IFNG-AS1: variants seen among roughly 807,000 people sequenced by gnomAD.
IFNG-AS1 encodes IFNG antisense RNA 1 (non-protein coding).
intron 2 of IFNG-AS1, among the ~76,000 whole-genome samples, chr12:67,998,954 T>A (rs1219531760): frequency 6.6e-6 from 1 of 152,124 alleles, no homozygotes; most frequent in African/African-American, 2.4e-5. Flanking sequence ...ATTGTGCAAA[T>A]AAGTAAATAA....
chr12:68,007,614 C>T (rs1449541770), intron 3 of IFNG-AS1, among the ~76,000 whole-genome samples: 2 of 152,216 alleles, frequency 1.3e-5, no homozygotes, highest in Non-Finnish European at 2.9e-5. Context: ...AAATATCAGT[C>T]ACAGTTTCAA....
intron 1 of IFNG-AS1, among the ~76,000 whole-genome samples, chr12:67,995,208 G>A (rs1458213748): frequency 6.6e-6 from 1 of 152,030 alleles, no homozygotes; most frequent in African/African-American, 2.4e-5. Flanking sequence ...AGATCATGAG[G>A]TCAAGAGATC....
chr12:67,992,561 C>T (rs1252708266), intron 1 of IFNG-AS1, among the ~76,000 whole-genome samples: 2 of 152,186 alleles, frequency 1.3e-5, no homozygotes, highest in African/African-American at 4.8e-5. Flanking sequence ...CCACGTGCAA[C>T]ATTTTAATCC....
intron 1 of IFNG-AS1, among the ~76,000 whole-genome samples, chr12:67,994,507 T>C (rs1879589487): frequency 6.6e-6 from 1 of 152,202 alleles, no homozygotes; most frequent in South Asian, 2.1e-4. Flanking sequence ...TTTTTAAATA[T>C]GCTGCTTTAT....
chr12:68,019,630 G>A (rs1880239516), intron 3 of IFNG-AS1, among the ~76,000 whole-genome samples: 1 of 152,158 alleles, frequency 6.6e-6, no homozygotes, highest in Non-Finnish European at 1.5e-5. Context: ...ACTAGAGTAG[G>A]TGCCTCTAAT....
At chr12:67,990,418 A>G (rs1001858968) in intron 1 of IFNG-AS1, among the ~76,000 whole-genome samples, 1 of 152,186 alleles carries the variant, frequency 6.6e-6, no homozygotes, top group Non-Finnish European at 1.5e-5. Context: ...GGTCCATATA[A>G]ATCCTCTCTG....
chr12:67,992,353 G>A (rs1879537011), intron 1 of IFNG-AS1, among the ~76,000 whole-genome samples: 1 of 152,114 alleles, frequency 6.6e-6, no homozygotes, highest in Non-Finnish European at 1.5e-5. Context: ...TTTCTTGTTA[G>A]TGGAATCTTG....
intron 3 of IFNG-AS1, among the ~76,000 whole-genome samples, chr12:68,019,003 A>G (rs1565693538): frequency 6.6e-6 from 1 of 152,098 alleles, no homozygotes; most frequent in Non-Finnish European, 1.5e-5. Flanking sequence ...TTCAACCTCC[A>G]TAAAGTGTGC....
intron 3 of IFNG-AS1, among the ~76,000 whole-genome samples, chr12:68,015,866 G>A (rs1469952141): frequency 1.3e-5 from 2 of 151,992 alleles, no homozygotes; most frequent in Admixed American, 1.3e-4. Flanking sequence ...TAAGAGGGTT[G>A]CCACTTACTA....
intron 3 of IFNG-AS1, chr12:68,006,153 A>G (rs1879901106): frequency 6.6e-6 from 1 of 152,248 alleles, no homozygotes; most frequent in Admixed American, 6.5e-5. Flanking sequence ...TGTGGTGAGT[A>G]CATAAGAGAT....
At chr12:68,015,457 C>G (rs937275495) in intron 3 of IFNG-AS1, among the ~76,000 whole-genome samples, 2 of 152,082 alleles carry the variant, frequency 1.3e-5, no homozygotes, top group African/African-American at 4.8e-5. Context: ...GCAATCCCAC[C>G]CCTCTGGCAG....
chr12:67,997,942 A>G (rs1879681545), intron 2 of IFNG-AS1, among the ~76,000 whole-genome samples: 1 of 152,098 alleles, frequency 6.6e-6, no homozygotes, highest in African/African-American at 2.4e-5. Flanking sequence ...TTAAAACTTT[A>G]TAGGAATATT....
At chr12:67,992,607 T>A (rs1879542035) in intron 1 of IFNG-AS1, among the ~76,000 whole-genome samples, 1 of 152,218 alleles carries the variant, frequency 6.6e-6, no homozygotes, top group Admixed American at 6.5e-5. Flanking sequence ...TTAATGTATG[T>A]TTACATGCTA....
intron 3 of IFNG-AS1, among the ~76,000 whole-genome samples, chr12:68,012,045 T>C (rs894568078): frequency 1.2e-4 from 18 of 152,060 alleles, no homozygotes; most frequent in African/African-American, 4.1e-4. Flanking sequence ...GAAAGAAAAA[T>C]GAAAAAAGCC....
intron 3 of IFNG-AS1, among the ~76,000 whole-genome samples, chr12:68,012,315 C>T (rs553335705): frequency 6.6e-6 from 1 of 152,286 alleles, no homozygotes; most frequent in Admixed American, 6.5e-5. Context: ...TGCTTTGCCC[C>T]ATATGAGGCT....
intron 2 of IFNG-AS1, among the ~76,000 whole-genome samples, chr12:67,999,535 C>G (rs1476966772): frequency 6.6e-6 from 1 of 151,980 alleles, no homozygotes. Flanking sequence ...CCCCAGTGGT[C>G]AATTGTGAGC....
intron 1 of IFNG-AS1, among the ~76,000 whole-genome samples, chr12:67,993,368 T>A (rs1022384258): frequency 6.6e-6 from 1 of 152,174 alleles, no homozygotes; most frequent in African/African-American, 2.4e-5. Flanking sequence ...TAGAACACTA[T>A]ATAGTTATAA....
intron 2 of IFNG-AS1, among the ~76,000 whole-genome samples, chr12:68,004,655 C>T (rs149019677): frequency 1.3e-5 from 2 of 152,360 alleles, no homozygotes; most frequent in East Asian, 3.9e-4. Flanking sequence ...CTTCAGGCCT[C>T]TGCCAATTCC....
chr12:68,008,365 A>C (rs1204093450), intron 3 of IFNG-AS1, among the ~76,000 whole-genome samples: 1 of 151,856 alleles, frequency 6.6e-6, no homozygotes, highest in East Asian at 1.9e-4. Context: ...GCAGTGAGCC[A>C]AGACCACGCC....
Sources: gnomAD v4.1 joint callset for allele counts (sites outside exome capture counted in the v4.1 genomes callset) on GRCh38, gnomAD v4.1.1 for gene constraint, MANE v1.5 for transcripts, NCBI Gene and HGNC (gene_info 2026-07-23, HGNC 2026-07-21) for gene names.